The following KLHDC1 variants were observed in gnomAD, a reference collection of about 807,000 sequenced individuals.
KLHDC1 encodes the protein kelch domain containing 1.
KLHDC1 carries 53 observed loss-of-function variants against 68.3 expected under a neutral mutation model. The observed-to-expected ratio is 0.78, with a 90% CI of 0.62 to 0.98. The LOEUF is 0.98. Ranked by LOEUF, KLHDC1 falls within the 50% of genes least tolerant of loss-of-function variation. The probability of loss-of-function intolerance (pLI) is 0.00; values close to 1 mark genes in which losing one functional copy is unlikely to be tolerated. For missense variants in KLHDC1, 470 were observed against 492.3 expected, an observed-to-expected ratio of 0.95 and a Z score of 0.43; for synonymous variants, 148 against 159.0, an observed-to-expected ratio of 0.93 and a Z score of 0.52.
chr14:49,715,282 C>T (rs1204019191), intron 4 of KLHDC1, among the ~76,000 whole-genome samples: 1 of 150,880 alleles, frequency 6.6e-6, no homozygotes, highest in African/African-American at 2.4e-5. Flanking sequence ...ACCACCACAC[C>T]CAGCTAATTT....
At chr14:49,724,219 G>A (rs1185883106) in intron 5 of KLHDC1, among the ~76,000 whole-genome samples, 1 of 151,912 alleles carries the variant, frequency 6.6e-6, no homozygotes, top group Non-Finnish European at 1.5e-5. Context: ...GACAGGTAGA[G>A]GCTTTAGCAC....
chr14:49,731,473 A>G (rs1204389862), intron 8 of KLHDC1, among the ~76,000 whole-genome samples: 2 of 151,374 alleles, frequency 1.3e-5, no homozygotes, highest in African/African-American at 4.9e-5. Flanking sequence ...TATTTTATTT[A>G]TTTATTTTTT....
intron 4 of KLHDC1, 39 bp from the exon 5 acceptor site, chr14:49,723,835 A>C: frequency 8.3e-7 from 1 of 1,203,374 alleles, no homozygotes; most frequent in African/African-American, 1.5e-5. Flanking sequence ...AACTGGAAAC[A>C]GAATTCCTAA....
Position 49,749,405 on chromosome 14 carries a change from A to G in KLHDC1, c.1035-2181A>G, listed in dbSNP as rs556199896. On this transcript the variant is annotated intron_variant, in intron 12 of 12. Coordinates refer to ENST00000359332, the MANE Select transcript of KLHDC1 (RefSeq NM_172193.3). ...TTTATTGGCTAGGTGCAATGGCTCA[A>G]ACCTGTAATCCCAGCACTTTGGGAG... 5.3e-4 allele frequency among the ~76,000 whole-genome samples: 80 copies of G among 152,176 alleles called. No individual in the cohort carries two copies. The South Asian group carries it at 0.012, about 24-fold the overall frequency.
chr14:49,724,057 C>T (rs544803127), intron 5 of KLHDC1, 105 bp downstream of exon 5: 12 of 625,860 alleles, frequency 1.9e-5, no homozygotes, highest in Admixed American at 3.6e-5. Flanking sequence ...ACCAATTTGT[C>T]GTAATTGACG....
intron 6 of KLHDC1, among the ~76,000 whole-genome samples, 200 bp downstream of exon 6, chr14:49,725,969 T>C (rs1370506219): frequency 1.3e-5 from 2 of 152,098 alleles, no homozygotes; most frequent in Non-Finnish European, 2.9e-5. Context: ...TGCCTCAGCC[T>C]CCTGACTAGC....
intron 12 of KLHDC1, among the ~76,000 whole-genome samples, chr14:49,747,552 A>G (rs1889230165): frequency 6.6e-6 from 1 of 152,200 alleles, no homozygotes; most frequent in Non-Finnish European, 1.5e-5. Context: ...TCTTTAAAAT[A>G]GTGGAGAAAG....
intron 11 of KLHDC1, among the ~76,000 whole-genome samples, chr14:49,740,430 C>T (rs569217323): frequency 1.9e-4 from 29 of 152,132 alleles, no homozygotes; most frequent in African/African-American, 4.3e-4. Flanking sequence ...CTCTGCCTCC[C>T]AGGTTCACAC....
chr14:49,716,649 G>C (rs143179153), intron 4 of KLHDC1, among the ~76,000 whole-genome samples: 128 of 152,258 alleles, frequency 8.4e-4, no homozygotes, highest in African/African-American at 2.5e-3. Flanking sequence ...CTCCCAAAGT[G>C]CTGGGATTAC....
At chr14:49,705,858 T>G (rs1476165865) in intron 1 of KLHDC1, among the ~76,000 whole-genome samples, 1 of 152,158 alleles carries the variant, frequency 6.6e-6, no homozygotes, top group East Asian at 1.9e-4. Flanking sequence ...TTAATTTTAA[T>G]TTTTGTGGGT....
chr14:49,737,700 G>GAA (rs767783648), intron 10 of KLHDC1, among the ~76,000 whole-genome samples: 3 of 132,462 alleles, frequency 2.3e-5, no homozygotes, highest in Non-Finnish European at 4.9e-5. Flanking sequence ...CCCCATCTCT[G>GAA]AAAAAAAAAA....
At chr14:49,745,790 G>T (rs1889185586) in intron 12 of KLHDC1, among the ~76,000 whole-genome samples, 1 of 152,168 alleles carries the variant, frequency 6.6e-6, no homozygotes, top group South Asian at 2.1e-4. Context: ...AAGAAATGAT[G>T]TTGGACAAGA....
At chr14:49,710,428 A>C in intron 4 of KLHDC1, 47 bp downstream of exon 4, 1 of 980,550 alleles carries the variant, frequency 1.0e-6, no homozygotes, top group Non-Finnish European at 1.6e-6. Context: ...CTAAGCAAAG[A>C]TAATAGCTTT....
Position 49,734,632 on chromosome 14 carries a change from A to G in KLHDC1, c.867A>G (p.Gln289=). The G allele has an allele frequency of 6.3e-7, 1 of 1,596,790 alleles. No individual in the cohort carries two copies. Among genetic ancestry groups the G allele is most frequent in the Non-Finnish European group, 8.6e-7 (1 of 1,169,000 alleles). ...ATGTCACAACAAATTGTTGGAAACA[A>G]CTTACACATTTACCTAAAACAAGAC... The part of the protein sequence containing the change: ...IHNVTTNCWK[Q]LTHLPKTRPR... The change falls in exon 10 of 13, where the codon CAA becomes CAG. Residue 289 remains glutamine, a synonymous_variant. Transcript: ENST00000359332.
chr14:49,751,790 A>T lies in KLHDC1; in HGVS notation c.*18A>T, dbSNP rs752288009. ...GCAATTAAATTGTTATATACTTTAC[A>T]TATTTAGTATGTTTTAACTTTTTAA... On this transcript the variant is annotated 3_prime_UTR_variant, in exon 13 of 13. Coordinates refer to ENST00000359332, the MANE Select transcript of KLHDC1 (RefSeq NM_172193.3). The T allele has an allele frequency of 8.3e-6, 11 of 1,321,352 alleles. No homozygotes were observed. In the South Asian group the frequency reaches 1.7e-4, roughly 20 times the overall value. The allele number at this position is 1,321,352 out of a possible 1,614,324, so 81.9% of individuals were successfully genotyped here.
chr14:49,729,340 T>C (rs1474053568), intron 7 of KLHDC1, 150 bp from the exon 8 acceptor site: 6 of 647,526 alleles, frequency 9.3e-6, no homozygotes, highest in Non-Finnish European at 1.4e-5. Flanking sequence ...GTCAGTCTTA[T>C]TAATGCTTAG....
Position 49,699,839 on chromosome 14 carries a change from A to G in KLHDC1, c.96+6549A>G, listed in dbSNP as rs576895795. The stretch of plus-strand genomic sequence containing the variant: ...CCTCTTAGTTCTACATCCTTTCCAC[A>G]TTACAGAAATTCACACAGACTTTGG... On this transcript the variant is annotated intron_variant, in intron 1 of 12. Coordinates refer to ENST00000359332, the MANE Select transcript of KLHDC1 (RefSeq NM_172193.3). Among the ~76,000 whole-genome samples the G allele has an allele frequency of 2.6e-5, 4 of 152,284 alleles. No homozygotes were observed. In the South Asian group the frequency reaches 8.3e-4, roughly 32 times the overall value.
chr14:49,718,004 A>G (rs1223321665), intron 4 of KLHDC1, among the ~76,000 whole-genome samples: 1 of 151,784 alleles, frequency 6.6e-6, no homozygotes, highest in Non-Finnish European at 1.5e-5. Flanking sequence ...CTTCCACCTC[A>G]GCCTCCTGAG....
At chr14:49,702,060 C>G (rs1046501392) in intron 1 of KLHDC1, among the ~76,000 whole-genome samples, 8 of 150,644 alleles carry the variant, frequency 5.3e-5, no homozygotes, top group African/African-American at 2.0e-4. Context: ...CCCAGCTACT[C>G]GGGAGGCTGA....
Sources: allele counts gnomAD v4.1 joint callset (sites outside exome capture counted in the v4.1 genomes callset), GRCh38; gene constraint gnomAD v4.1.1; transcripts MANE v1.5; gene names NCBI Gene and HGNC (gene_info 2026-07-23, HGNC 2026-07-21).